ADCY1: variants seen among roughly 807,000 people sequenced by gnomAD.
The protein encoded by ADCY1 is adenylate cyclase 1, also known as adenylate cyclase type 1.
A neutral mutation model predicts 105.4 loss-of-function variants in ADCY1; 28 were observed. That is an observed-to-expected ratio of 0.27 (90% CI 0.20 to 0.36). ADCY1 has a LOEUF of 0.36. ADCY1 is among the 10% of genes least tolerant of loss of function. The pLI is 1.00. For synonymous variants in ADCY1, 655 were observed against 623.8 expected (o/e 1.05, Z -0.75); for missense variants, 977 against 1,434.2 (o/e 0.68, Z 5.15).
chr7:45,685,709 C>G (rs551469110), intron 12 of ADCY1, among the ~76,000 whole-genome samples: 1 of 152,268 alleles, frequency 6.6e-6, no homozygotes, highest in African/African-American at 2.4e-5. Context: ...CAGGTTGGAG[C>G]CGCTGGGCTG....
Position 45,575,999 on chromosome 7 carries a change from C to T in ADCY1, c.639+817C>T, listed in dbSNP as rs1792333822. On this transcript the variant is annotated intron_variant, in intron 1 of 19. Transcript: ENST00000297323. This position sits in a 1 kb window ranked among gnomAD's most constrained non-coding sequence, Gnocchi z 4.7. Reference sequence around the variant, plus strand: ...TTGCCCCACGGCGGGGCTTTGAGAGCTTCCCCTTGTGCCCATCTCCAACGG... The same window carrying T: ...TTGCCCCACGGCGGGGCTTTGAGAGTTTCCCCTTGTGCCCATCTCCAACGG... Among the ~76,000 whole-genome samples the T allele has an allele frequency of 6.6e-6, 1 of 152,084 alleles. No individual in the cohort carries two copies. The highest frequency in any genetic ancestry group is 6.5e-5 in the Admixed American group (1 of 15,288).
At chr7:45,691,491 G>A (rs1380693343) in intron 14 of ADCY1, among the ~76,000 whole-genome samples, 1 of 152,224 alleles carries the variant, frequency 6.6e-6, no homozygotes, top group Non-Finnish European at 1.5e-5. Context: ...CACTAGGTAG[G>A]TTAATTATTT....
At chr7:45,671,612 G>A (rs140288484) in intron 8 of ADCY1, among the ~76,000 whole-genome samples, 4 of 152,128 alleles carry the variant, frequency 2.6e-5, no homozygotes, top group East Asian at 3.9e-4. Flanking sequence ...AAATGTAGCT[G>A]TTCTAATAAG....
intron 4 of ADCY1, among the ~76,000 whole-genome samples, chr7:45,641,105 A>T (rs1052157130): frequency 6.6e-6 from 1 of 152,168 alleles, no homozygotes; most frequent in African/African-American, 2.4e-5. Flanking sequence ...CAGGAGACAG[A>T]GCTGTCCCTG....
At chr7:45,620,928 C>A (rs1793873556) in intron 3 of ADCY1, among the ~76,000 whole-genome samples, 1 of 152,124 alleles carries the variant, frequency 6.6e-6, no homozygotes, top group African/African-American at 2.4e-5. Context: ...CCCCCGTGAC[C>A]AATCCTAGTT....
At chr7:45,699,933 T>C (rs1345536193) in intron 14 of ADCY1, among the ~76,000 whole-genome samples, 1 of 152,098 alleles carries the variant, frequency 6.6e-6, no homozygotes, top group African/African-American at 2.4e-5. Context: ...AGGGGGGCTG[T>C]GAAGTCCAGG....
chr7:45,693,728 A>G (rs901659928), intron 14 of ADCY1, among the ~76,000 whole-genome samples: 4 of 149,962 alleles, frequency 2.7e-5, no homozygotes, highest in African/African-American at 9.8e-5. Flanking sequence ...ATGTCCAACA[A>G]TGATAGACTG....
rs1193321834 is a variant in ADCY1 at position 45,708,235 on chromosome 7, AG to A, written c.2818-113del. On this transcript the variant is annotated intron_variant, in intron 17 of 19. Transcript: ENST00000297323. The surrounding 1 kb of genome is among the most constrained non-coding windows in gnomAD (Gnocchi z 4.7). ...TGGAATGATAAATGTGCCTATAGCC[AG>A]GCACTCAGAGTGCCTTCCTCTGAAA... The A allele has an allele frequency of 3.0e-6, 2 of 675,228 alleles. No individual in the cohort carries two copies. The highest frequency in any genetic ancestry group is 5.4e-6 in the Non-Finnish European group (2 of 371,502). 41.8% of individuals were successfully genotyped at this position (675,228 alleles called of 1,614,324 possible).
intron 14 of ADCY1, among the ~76,000 whole-genome samples, chr7:45,690,158 G>A (rs545183362): frequency 3.9e-5 from 6 of 152,182 alleles, no homozygotes; most frequent in Admixed American, 1.3e-4. Context: ...GGAAGTGGTC[G>A]TGTGGAGTCT....
chr7:45,655,129 A>G (rs573033952), intron 5 of ADCY1, among the ~76,000 whole-genome samples: 3 of 152,340 alleles, frequency 2.0e-5, no homozygotes, highest in Non-Finnish European at 2.9e-5. Context: ...CACTCAGTAG[A>G]TGTTTGTTGA....
At chr7:45,713,580 G>T (rs1314267479) in intron 19 of ADCY1, 113 bp from the exon 20 acceptor site, 1 of 661,092 alleles carries the variant, frequency 1.5e-6, no homozygotes, top group African/African-American at 1.8e-5. Flanking sequence ...CCCAGTGCCA[G>T]GGTTGGGCAG....
chr7:45,679,784 C>T lies in ADCY1; in HGVS notation c.1974C>T (p.Thr658=). The T allele has an allele frequency of 6.2e-7, 1 of 1,613,976 alleles. No individual in the cohort carries two copies. Among genetic ancestry groups the T allele is most frequent in the Non-Finnish European group, 8.5e-7 (1 of 1,179,976 alleles). The change falls in exon 11 of 20, where the codon ACC becomes ACT. Residue 658 remains threonine (T), a synonymous_variant. Transcript: ENST00000297323. The part of the protein sequence containing the change: ...LVACVLYLHI[T]RVQCFPGCLT... Reference sequence around the variant, plus strand: ...CCTGTGTCCTGTACCTGCACATCACCCGGGTCCAGGTATGTGGGTGGCCTG... The same window carrying T: ...CCTGTGTCCTGTACCTGCACATCACTCGGGTCCAGGTATGTGGGTGGCCTG...
intron 12 of ADCY1, among the ~76,000 whole-genome samples, 175 bp from the exon 13 acceptor site, chr7:45,685,787 G>A (rs1208766513): frequency 6.6e-6 from 1 of 152,220 alleles, no homozygotes. Context: ...CAGCCAGTGG[G>A]GAGCCTTGAA....
chr7:45,675,885 A>G (rs531512059), intron 8 of ADCY1, among the ~76,000 whole-genome samples: 10 of 152,224 alleles, frequency 6.6e-5, no homozygotes, highest in South Asian at 6.2e-4. Context: ...ACTTACTTCA[A>G]TCTGTACGTT....
chr7:45,609,689 G>T (rs144891397), intron 2 of ADCY1, among the ~76,000 whole-genome samples: 1 of 152,260 alleles, frequency 6.6e-6, no homozygotes, highest in Non-Finnish European at 1.5e-5. Flanking sequence ...CAGGTCAAGG[G>T]CCAGCTGGGG....
In ADCY1 at chr7:45,616,841, C is replaced by CA. The variant is rs572867287; in HGVS notation, c.909-5784dup. 2.6e-5 allele frequency among the ~76,000 whole-genome samples: 4 copies of CA among 152,108 alleles called. No homozygotes were observed. The South Asian group carries it at 8.3e-4, about 32-fold the overall frequency. On this transcript the variant is annotated intron_variant, in intron 3 of 19. Transcript: ENST00000297323. ...GCAATTAGAGAAGAAAGAACAGCAACAAAAAAAGGCATCCTAAATGGAAAG... is the reference window on the plus strand; with the variant it reads ...GCAATTAGAGAAGAAAGAACAGCAACAAAAAAAAGGCATCCTAAATGGAAAG...
intron 3 of ADCY1, among the ~76,000 whole-genome samples, chr7:45,610,721 G>A (rs1327573040): frequency 4.6e-5 from 7 of 151,048 alleles, no homozygotes; most frequent in South Asian, 4.2e-4. Context: ...TGGAGGTGAG[G>A]AGGGGATAGT....
At chr7:45,625,050 C>T (rs73318975) in intron 4 of ADCY1, among the ~76,000 whole-genome samples, 2,567 of 152,290 alleles carry the variant, frequency 0.017, 52 homozygotes, top group African/African-American at 0.047. Context: ...GCAGTTTCTT[C>T]CTTTGATAAA....
chr7:45,651,977 G>A (rs962612662), intron 5 of ADCY1, among the ~76,000 whole-genome samples: 5 of 152,190 alleles, frequency 3.3e-5, no homozygotes, highest in Admixed American at 6.5e-5. Context: ...AATTTAAGAC[G>A]AAAAGAGGTT....
Sources: gnomAD v4.1 joint callset for allele counts (sites outside exome capture counted in the v4.1 genomes callset) on GRCh38, gnomAD v4.1.1 for gene constraint, Gnocchi (gnomAD v3.1) non-coding constraint, MANE v1.5 for transcripts, NCBI Gene and HGNC (gene_info 2026-07-23, HGNC 2026-07-21) for gene names.